Variants in TMEM156 observed in about 807,000 individuals in gnomAD.
TMEM156 encodes the protein transmembrane protein 156.
A neutral mutation model predicts 30.5 loss-of-function variants in TMEM156; 28 were observed. The observed-to-expected ratio is 0.92, with a 90% CI of 0.68 to 1.26. TMEM156 has a LOEUF of 1.26. TMEM156 is among the 50% of genes most tolerant of loss of function. The pLI, the probability that TMEM156 is intolerant of heterozygous loss-of-function variation, is 0.00. For synonymous variants in TMEM156, 137 were observed against 119.9 expected, an observed-to-expected ratio of 1.14 and a Z score of -0.93; for missense variants, 351 against 340.6, an observed-to-expected ratio of 1.03 and a Z score of -0.24.
At chr4:38,977,752 A>C (rs878995309) in intron 5 of TMEM156, among the ~76,000 whole-genome samples, 2 of 152,220 alleles carry the variant, frequency 1.3e-5, no homozygotes, top group Admixed American at 6.5e-5. Context: ...GCCTTAAAAA[A>C]ATTTTTTTAA....
At position 38,984,345 on chromosome 4, in the gene TMEM156, CTCTCTG is replaced by C. The variant is rs749938399; in HGVS notation, c.823+1985_823+1990del. 8.1e-4 allele frequency among the ~76,000 whole-genome samples: 93 copies of C among 114,912 alleles called. 1 individual carries two copies. The highest frequency in any genetic ancestry group is 2.9e-3 in the African/African-American group (61 of 21,212). The allele number at this position is 114,912 out of a possible 152,430, so 75.4% of individuals were successfully genotyped here. On this transcript the variant is annotated intron_variant, in intron 5 of 6. Coordinates refer to ENST00000381938, the MANE Select transcript of TMEM156 (RefSeq NM_024943.3). ...TCTCTTTCTCTCTGTCTCTCTCTCT[CTCTCTG>C]TGTGTGTGTGTGTGTGTGTGTGTGT... is the stretch of plus-strand genomic sequence containing the variant.
At chr4:39,029,888 A>T (rs1395415543) in intron 1 of TMEM156, among the ~76,000 whole-genome samples, 1 of 152,068 alleles carries the variant, frequency 6.6e-6, no homozygotes, top group African/African-American at 2.4e-5. Context: ...TTATTATTTT[A>T]TTATTATTAC....
At chr4:38,990,603 A>G (rs796916176) in intron 3 of TMEM156, among the ~76,000 whole-genome samples, 1 of 152,094 alleles carries the variant, frequency 6.6e-6, no homozygotes, top group African/African-American at 2.4e-5. Flanking sequence ...TGTATCTCCT[A>G]GGGTCCTGTG....
intron 2 of TMEM156, among the ~76,000 whole-genome samples, chr4:38,994,558 G>T (rs369711899): frequency 1.3e-5 from 2 of 152,182 alleles, no homozygotes; most frequent in South Asian, 2.1e-4. Context: ...AGACTGTATT[G>T]TGTGACCAAT....
chr4:38,979,541 G>A (rs1723075110), intron 5 of TMEM156, among the ~76,000 whole-genome samples: 3 of 152,184 alleles, frequency 2.0e-5, no homozygotes, highest in Admixed American at 6.5e-5. Flanking sequence ...CCTCCCAGGG[G>A]GCATGCACAG....
chr4:38,977,836 A>G (rs1176215899), intron 5 of TMEM156, among the ~76,000 whole-genome samples: 4 of 152,266 alleles, frequency 2.6e-5, no homozygotes, highest in African/African-American at 4.8e-5. Context: ...CTGATTAAAA[A>G]TAAAATTCCA....
rs1456532456 is a variant in TMEM156 at position 38,986,359 on chromosome 4, G to T, written c.800C>A (p.Ala267Glu). 7 of 1,613,588 alleles carry T rather than the reference G, an allele frequency of 4.3e-6. No individual in the cohort carries two copies. In the African/African-American group the frequency reaches 9.3e-5, roughly 22 times the overall value. Residue 267 changes from alanine (A) to glutamate (E), a missense_variant, in exon 5 of 7, where the codon GCA (alanine) becomes GAA (glutamate). By Grantham distance (107) the Ala-to-Glu change is moderately radical. Transcript: ENST00000381938. ...ACCTGAAAGAACCTGCACATTCAAT[G>T]CTCTCAGTTTCTCCGAATCACTTCC... ...LRGSDSEKLR[A>E]LNVQVLSAET...
intron 5 of TMEM156, among the ~76,000 whole-genome samples, chr4:38,982,643 A>G (rs980062055): frequency 6.6e-6 from 1 of 152,230 alleles, no homozygotes; most frequent in Non-Finnish European, 1.5e-5. Flanking sequence ...ACAACAATCC[A>G]CAGATAAAAA....
intron 1 of TMEM156, among the ~76,000 whole-genome samples, chr4:39,025,628 G>A (rs1042013219): frequency 3.3e-5 from 5 of 152,078 alleles, no homozygotes; most frequent in African/African-American, 1.2e-4. Flanking sequence ...GATAACTTTC[G>A]ACATACCATA....
intron 5 of TMEM156, among the ~76,000 whole-genome samples, chr4:38,982,610 T>C (rs1711667817): frequency 6.6e-6 from 1 of 152,234 alleles, no homozygotes; most frequent in Non-Finnish European, 1.5e-5. Context: ...TAAGCTGTTA[T>C]AGTGCCAGAT....
At chr4:38,989,910 CTGCCTCAGCCTCCGAGGGGATTACAGG>C (rs1712295400) in intron 3 of TMEM156, among the ~76,000 whole-genome samples, 1 of 152,198 alleles carries the variant, frequency 6.6e-6, no homozygotes, top group South Asian at 2.1e-4. Context: ...AGCGATTCTC[CTGCCTCAGCCTCCGAGGGGATTACAGG>C]TGCTCACCAC....
intron 5 of TMEM156, 45 bp from the exon 6 acceptor site, chr4:38,971,182 C>CA (rs1722581117): frequency 2.6e-6 from 4 of 1,539,030 alleles, no homozygotes; most frequent in Non-Finnish European, 3.6e-6. Context: ...TAGTAAATAG[C>CA]AAAAAGAGAC....
intron 4 of TMEM156, among the ~76,000 whole-genome samples, chr4:38,986,621 A>G (rs1206105126): frequency 6.6e-6 from 1 of 151,734 alleles, no homozygotes; most frequent in East Asian, 1.9e-4. Flanking sequence ...AGCCTGGCCA[A>G]TATGGTGAAA....
At chr4:39,010,244 T>C (rs981390642) in intron 1 of TMEM156, among the ~76,000 whole-genome samples, 3 of 152,086 alleles carry the variant, frequency 2.0e-5, no homozygotes, top group Admixed American at 6.6e-5. Context: ...AAAGAAATCA[T>C]AGATAACACA....
At chr4:39,024,156 C>A (rs761513314) in intron 1 of TMEM156, among the ~76,000 whole-genome samples, 16 of 152,344 alleles carry the variant, frequency 1.1e-4, no homozygotes, top group Admixed American at 2.6e-4. Flanking sequence ...CTGCCTCAGC[C>A]TCCTGAGTAG....
At chr4:38,992,223 A>C (rs1197444970) in intron 3 of TMEM156, among the ~76,000 whole-genome samples, 1 of 152,126 alleles carries the variant, frequency 6.6e-6, no homozygotes. Context: ...CACCTGTGGC[A>C]CTGGAAGGCA....
At chr4:38,987,930 G>GT (rs2109923897) in intron 4 of TMEM156, among the ~76,000 whole-genome samples, 1 of 152,012 alleles carries the variant, frequency 6.6e-6, no homozygotes, top group African/African-American at 2.4e-5. Flanking sequence ...TTGTCCATTG[G>GT]GCCTGATAGT....
chr4:39,001,795 T>C (rs1261132100), intron 1 of TMEM156, among the ~76,000 whole-genome samples: 1 of 149,272 alleles, frequency 6.7e-6, no homozygotes, highest in Non-Finnish European at 1.5e-5. Context: ...GGATTCCCTA[T>C]TTAATAAATG....
intron 1 of TMEM156, among the ~76,000 whole-genome samples, chr4:39,015,994 T>C (rs1714455854): frequency 6.6e-6 from 1 of 152,192 alleles, no homozygotes; most frequent in South Asian, 2.1e-4. Context: ...TTATAAATGA[T>C]GTATGTCTTT....
Sources: gnomAD v4.1 joint callset for allele counts (sites outside exome capture counted in the v4.1 genomes callset) on GRCh38, gnomAD v4.1.1 for gene constraint, MANE v1.5 for transcripts, NCBI Gene and HGNC (gene_info 2026-07-23, HGNC 2026-07-21) for gene names.